C2CD3: variants seen among roughly 807,000 people sequenced by gnomAD.
The protein encoded by C2CD3 is C2 domain containing 3 centriole elongation regulator, also known as C2 domain-containing protein 3.
In C2CD3, 148 loss-of-function variants were observed where a neutral mutation model predicts 234.0. The ratio of observed to expected loss-of-function variants is 0.63; its 90% confidence interval spans 0.55 to 0.72. C2CD3 has a LOEUF of 0.72. C2CD3 is among the 30% of genes least tolerant of loss of function. C2CD3 has a pLI of 0.00. For synonymous variants in C2CD3, 1,000 were observed against 1,035.4 expected (o/e 0.97, Z 0.66); for missense variants, 2,577 against 2,811.5 (o/e 0.92, Z 1.89).
chr11:74,113,930 C>T, intron 10 of C2CD3, 38 bp from the exon 11 acceptor site: 3 of 1,217,802 alleles, frequency 2.5e-6, no homozygotes, highest in Non-Finnish European at 3.5e-6. Flanking sequence ...ACTAACCAAA[C>T]AATAAACCTA....
intron 5 of C2CD3, among the ~76,000 whole-genome samples, chr11:74,133,918 A>T (rs1957769066): frequency 6.6e-6 from 1 of 152,146 alleles, no homozygotes; most frequent in South Asian, 2.1e-4. Context: ...TCAAATTTAT[A>T]CTTCTATGGA....
At position 74,054,597 on chromosome 11, in the gene C2CD3, G is replaced by A. The variant is rs747435473; in HGVS notation, c.5155+10C>T. 8 of 1,550,532 alleles carry A rather than the reference G, an allele frequency of 5.2e-6. No homozygotes were observed. Among genetic ancestry groups the A allele is most frequent in the African/African-American group, 1.4e-5 (1 of 72,728 alleles). On this transcript the variant is annotated intron_variant, in intron 26 of 32. Coordinates refer to ENST00000334126, the MANE Select transcript of C2CD3 (RefSeq NM_001286577.2). ...CAAGCAAGCAGATATTCTTTTAACA[G>A]AGTTCATACCTCCTTTATGCCAAAC...
chr11:74,032,596 C>T (rs182289162), intron 31 of C2CD3, among the ~76,000 whole-genome samples: 6 of 152,098 alleles, frequency 3.9e-5, no homozygotes, highest in East Asian at 1.9e-4. Flanking sequence ...TCTGGCCAGG[C>T]GTGGTGGCTC....
intron 23 of C2CD3, 29 bp downstream of exon 23, chr11:74,078,086 A>G: frequency 6.3e-7 from 1 of 1,595,918 alleles, no homozygotes; most frequent in Non-Finnish European, 8.5e-7. Context: ...TGCTCAAACT[A>G]CAAGAGTTGA....
chr11:74,033,236 A>G (rs1210598445), intron 31 of C2CD3, 115 bp downstream of exon 31: 2 of 786,730 alleles, frequency 2.5e-6, no homozygotes, highest in Non-Finnish European at 4.0e-6. Context: ...TTCTGAAGGA[A>G]TGGTCTTTCC....
At chr11:74,109,977 AGGCTAAGGCAGGAGAGT>A (rs1310913705) in intron 11 of C2CD3, among the ~76,000 whole-genome samples, 2 of 152,050 alleles carry the variant, frequency 1.3e-5, no homozygotes, top group Non-Finnish European at 2.9e-5. Flanking sequence ...GCTACTTGGG[AGGCTAAGGCAGGAGAGT>A]GGCGTGAACC....
chr11:74,040,214 C>T (rs1325635426), intron 29 of C2CD3, among the ~76,000 whole-genome samples: 1 of 152,166 alleles, frequency 6.6e-6, no homozygotes, highest in African/African-American at 2.4e-5. Flanking sequence ...TTGTGCGCTC[C>T]TTATGAGAAT....
At chr11:74,047,607 T>A (rs550615371) in intron 28 of C2CD3, among the ~76,000 whole-genome samples, 132 of 152,318 alleles carry the variant, frequency 8.7e-4, no homozygotes, top group African/African-American at 2.9e-3. Context: ...GCTCAGTAAC[T>A]GCTCTTGTAG....
chr11:74,058,944 C>T (rs7121118), intron 24 of C2CD3, among the ~76,000 whole-genome samples: 11,329 of 152,184 alleles, frequency 0.074, 1,373 homozygotes, highest in African/African-American at 0.26. Flanking sequence ...ACTGAACCCA[C>T]AGAACATTTC....
intron 22 of C2CD3, among the ~76,000 whole-genome samples, chr11:74,084,579 G>A (rs1227939945): frequency 6.6e-6 from 1 of 151,998 alleles, no homozygotes; most frequent in African/African-American, 2.4e-5. Flanking sequence ...CGTGGTCTGT[G>A]TTTATCCTTT....
At chr11:74,094,063 A>T in intron 17 of C2CD3, 64 bp from the exon 18 acceptor site, 2 of 1,342,692 alleles carry the variant, frequency 1.5e-6, no homozygotes, top group Non-Finnish European at 2.1e-6. Context: ...TTCTTCTTTC[A>T]TGTTCTTCCA....
chr11:74,131,087 T>C (rs1009944901), intron 7 of C2CD3, among the ~76,000 whole-genome samples: 2 of 151,786 alleles, frequency 1.3e-5, no homozygotes, highest in Admixed American at 6.6e-5. Context: ...TAGCTGGGAC[T>C]ACAAGCGTGT....
chr11:74,078,295 C>T lies in C2CD3; in HGVS notation c.4423G>A (p.Val1475Ile). 1 of 1,614,178 alleles carries T rather than the reference C, an allele frequency of 6.2e-7. No individual in the cohort carries two copies. Among genetic ancestry groups the T allele is most frequent in the Non-Finnish European group, 8.5e-7 (1 of 1,180,036 alleles). ...CAAAGCAGTGATGGGCCCCTGGTGA[C>T]TTCTGCTCTTTTGGATGCCTTGAAA... ...VTFKASKRAE[V>I]TRGPSLLWYF... Residue 1475 changes from valine (V) to isoleucine (I), a missense_variant, in exon 23 of 33, where the codon GTC becomes ATC. Transcript: ENST00000334126.
intron 31 of C2CD3, among the ~76,000 whole-genome samples, chr11:74,031,143 C>T (rs753004363): frequency 6.6e-6 from 1 of 152,206 alleles, no homozygotes; most frequent in South Asian, 2.1e-4. Context: ...ACAGTGAACA[C>T]TATTCATGTA....
chr11:74,101,600 G>A (rs1047607886), intron 14 of C2CD3, among the ~76,000 whole-genome samples: 1 of 152,194 alleles, frequency 6.6e-6, no homozygotes, highest in Non-Finnish European at 1.5e-5. Flanking sequence ...GGAAGTTGCA[G>A]GCAACTACTT....
At chr11:74,139,537 G>GA in intron 4 of C2CD3, 68 bp downstream of exon 4, 1 of 1,117,130 alleles carries the variant, frequency 9.0e-7, no homozygotes, top group Non-Finnish European at 1.4e-6. Context: ...AACCATAAAT[G>GA]AAAGACAGAA....
chr11:74,105,310 G>A (rs963238750), intron 13 of C2CD3, among the ~76,000 whole-genome samples: 3 of 151,854 alleles, frequency 2.0e-5, no homozygotes, highest in African/African-American at 7.2e-5. Context: ...TTGCTCTGTC[G>A]CCCAGGCTGG....
intron 3 of C2CD3, among the ~76,000 whole-genome samples, chr11:74,141,777 T>C (rs1244289400): frequency 6.6e-6 from 1 of 152,100 alleles, no homozygotes; most frequent in African/African-American, 2.4e-5. Flanking sequence ...GGAGGATTGC[T>C]TGAGCCCAGG....
Position 74,114,586 on chromosome 11 carries a change from C to T in C2CD3, c.1528G>A (p.Val510Ile), listed in dbSNP as rs1334794713. The change falls in exon 10 of 33, where the codon GTT becomes ATT. Residue 510 changes from valine to isoleucine, a missense_variant. Val to Ile is a conservative substitution (Grantham distance 29). Transcript: ENST00000334126. The stretch of plus-strand genomic sequence containing the variant: ...GTTTCTGAGAGCATCTGTTGTTCAA[C>T]CAAATTTCTGAAAGGAGTTCACACA... ...RSAGKRNRNL[V>I]EQQMLSETPE... is the part of the protein sequence containing the mutation. The T allele has an allele frequency of 2.5e-6, 4 of 1,612,554 alleles. No individual in the cohort carries two copies. Among genetic ancestry groups the T allele is most frequent in the Middle Eastern group, 1.7e-4 (1 of 6,060 alleles).
Sources: allele counts gnomAD v4.1 joint callset (sites outside exome capture counted in the v4.1 genomes callset), GRCh38; gene constraint gnomAD v4.1.1; transcripts MANE v1.5; gene names NCBI Gene and HGNC (gene_info 2026-07-23, HGNC 2026-07-21).